The following DYM variants were observed in gnomAD, a reference collection of about 807,000 sequenced individuals.
DYM encodes dymeclin.
DYM carries 78 observed loss-of-function variants against 93.1 expected under a neutral mutation model. The ratio of observed to expected loss-of-function variants is 0.84; its 90% CI spans 0.70 to 1.01. The LOEUF (loss-of-function observed/expected upper bound fraction) is 1.01, where lower values mean the gene tolerates loss of function less well. DYM is among the 50% of genes least tolerant of loss of function. The pLI is 0.00. For synonymous variants in DYM, 321 were observed against 319.7 expected (o/e 1.00, Z -0.04); for missense variants, 789 against 845.0 (o/e 0.93, Z 0.82).
chr18:49,247,881 A>G (rs2094204842), intron 13 of DYM, among the ~76,000 whole-genome samples: 2 of 152,350 alleles, frequency 1.3e-5, no homozygotes, highest in East Asian at 3.9e-4. Flanking sequence ...AAACTAAAAA[A>G]GCAAACCAAG....
intron 13 of DYM, among the ~76,000 whole-genome samples, chr18:49,212,542 G>C (rs1487122785): frequency 1.3e-5 from 2 of 151,616 alleles, no homozygotes; most frequent in African/African-American, 4.9e-5. Context: ...CTGTCACCCA[G>C]GCTGGAGTAC....
chr18:49,145,066 TC>T (rs202061166), intron 15 of DYM, among the ~76,000 whole-genome samples: 4,956 of 134,472 alleles, frequency 0.037, 117 homozygotes, highest in Middle Eastern at 0.087. Flanking sequence ...CACACTGAGC[TC>T]CAGCCTGGGC....
chr18:49,080,515 T>C (rs2077823636), intron 17 of DYM, among the ~76,000 whole-genome samples: 1 of 126,372 alleles, frequency 7.9e-6, no homozygotes, highest in African/African-American at 3.0e-5. Flanking sequence ...GCAGAGGGGC[T>C]CCTCACTTCC....
At chr18:49,226,819 C>A (rs978281521) in intron 13 of DYM, among the ~76,000 whole-genome samples, 1 of 151,994 alleles carries the variant, frequency 6.6e-6, no homozygotes, top group Non-Finnish European at 1.5e-5. Context: ...CAAATTGGTT[C>A]CAGTGGGAAT....
chr18:49,096,147 T>C (rs2079525798), intron 17 of DYM, among the ~76,000 whole-genome samples: 1 of 152,182 alleles, frequency 6.6e-6, no homozygotes, highest in Admixed American at 6.5e-5. Flanking sequence ...TTATCTGGAA[T>C]AGGAACACAT....
At chr18:49,289,770 T>G (rs868011064) in intron 8 of DYM, among the ~76,000 whole-genome samples, 2 of 42,708 alleles carry the variant, frequency 4.7e-5, no homozygotes, top group Non-Finnish European at 8.5e-5. Context: ...TATATATATA[T>G]ATACACATAT....
At chr18:49,304,041 A>C (rs1369013782) in intron 8 of DYM, among the ~76,000 whole-genome samples, 2 of 152,182 alleles carry the variant, frequency 1.3e-5, no homozygotes. Context: ...TCTGTTACTG[A>C]TGCATTTGGC....
At chr18:49,098,990 T>C (rs1473013235) in intron 16 of DYM, among the ~76,000 whole-genome samples, 1 of 152,182 alleles carries the variant, frequency 6.6e-6, no homozygotes, top group East Asian at 1.9e-4. Context: ...GAGAAAAGAA[T>C]TGGTTAACCA....
chr18:49,177,721 T>G (rs1758091648), intron 14 of DYM, among the ~76,000 whole-genome samples: 1 of 152,146 alleles, frequency 6.6e-6, no homozygotes, highest in South Asian at 2.1e-4. Context: ...ATGTCTTCCT[T>G]TATCTTTTGT....
chr18:49,162,493 A>AT (rs1267430774), intron 15 of DYM, among the ~76,000 whole-genome samples: 2 of 152,122 alleles, frequency 1.3e-5, no homozygotes, highest in African/African-American at 2.4e-5. Flanking sequence ...CTATTAATCC[A>AT]TTAACTCACT....
At chr18:49,090,685 C>T (rs11873029) in intron 17 of DYM, among the ~76,000 whole-genome samples, 18,725 of 151,982 alleles carry the variant, frequency 0.12, 1,499 homozygotes, top group East Asian at 0.28. Flanking sequence ...GCCTGACAGG[C>T]CCTCCATGCT....
chr18:49,379,843 G>A lies in DYM; in HGVS notation c.194-85C>T, dbSNP rs150251649. 355 of 1,146,584 alleles carry A rather than the reference G, an allele frequency of 3.1e-4. 1 individual carries two copies. The East Asian group carries it at 7.5e-3, about 24-fold the overall frequency. The allele number at this position is 1,146,584 out of a possible 1,614,324, so 71.0% of individuals were successfully genotyped here. On this transcript the variant is annotated intron_variant, in intron 3 of 17. Coordinates refer to ENST00000675505, the MANE Select transcript of DYM (RefSeq NM_001353214.3). ...TATCATAACATTTATAAAACCAAATGTCATATTAAAATTGCTCAGTGACCA... is the reference window on the plus strand; with the variant it reads ...TATCATAACATTTATAAAACCAAATATCATATTAAAATTGCTCAGTGACCA...
At chr18:49,455,830 T>C (rs1351370127) in intron 1 of DYM, among the ~76,000 whole-genome samples, 2 of 151,748 alleles carry the variant, frequency 1.3e-5, no homozygotes, top group Non-Finnish European at 2.9e-5. Context: ...ATGCCTGTAA[T>C]CCCAGCTATT....
intron 15 of DYM, among the ~76,000 whole-genome samples, chr18:49,121,010 A>C (rs2082329879): frequency 6.6e-6 from 1 of 152,154 alleles, no homozygotes; most frequent in South Asian, 2.1e-4. Context: ...ACAATGTCTA[A>C]CATTCAACTG....
chr18:49,324,300 T>C (rs1174367849), intron 8 of DYM, among the ~76,000 whole-genome samples: 1 of 152,176 alleles, frequency 6.6e-6, no homozygotes, highest in Non-Finnish European at 1.5e-5. Context: ...GAAATATTTA[T>C]TGTAATTCCA....
chr18:49,189,050 C>G (rs567110918), intron 14 of DYM, among the ~76,000 whole-genome samples: 2 of 151,610 alleles, frequency 1.3e-5, no homozygotes, highest in Non-Finnish European at 2.9e-5. Context: ...TGAATTAACA[C>G]AGAAAAAAAA....
intron 14 of DYM, among the ~76,000 whole-genome samples, chr18:49,185,647 ATAG>A (rs2090364610): frequency 6.6e-6 from 1 of 152,220 alleles, no homozygotes; most frequent in South Asian, 2.1e-4. Context: ...TATTGTAGTA[ATAG>A]TAGAAAAAAA....
intron 1 of DYM, among the ~76,000 whole-genome samples, chr18:49,458,758 G>A (rs2083219699): frequency 6.6e-6 from 1 of 152,114 alleles, no homozygotes; most frequent in South Asian, 2.1e-4. Context: ...AGAATTGCTT[G>A]AACCCAGGAG....
intron 14 of DYM, among the ~76,000 whole-genome samples, chr18:49,168,320 T>C (rs1261342300): frequency 6.6e-6 from 1 of 152,212 alleles, no homozygotes; most frequent in African/African-American, 2.4e-5. Flanking sequence ...TGCTCTATTT[T>C]TTGTGTATGC....
Sources: gnomAD v4.1 joint callset for allele counts (sites outside exome capture counted in the v4.1 genomes callset) on GRCh38, gnomAD v4.1.1 for gene constraint, MANE v1.5 for transcripts, NCBI Gene and HGNC (gene_info 2026-07-23, HGNC 2026-07-21) for gene names.